Variants in ACO2 observed in about 807,000 individuals in gnomAD.
The protein encoded by ACO2 is aconitase 2.
In ACO2, 31 loss-of-function variants were observed where a neutral mutation model predicts 84.5. The ratio of observed to expected loss-of-function variants is 0.37; its 90% CI spans 0.28 to 0.50. The LOEUF is 0.50. ACO2 is among the 20% of genes least tolerant of loss of function. The pLI, the probability that ACO2 is intolerant of heterozygous loss-of-function variation, is 0.97. For synonymous variants in ACO2, 414 were observed against 412.7 expected (o/e 1.00, Z -0.04); for missense variants, 685 against 1,029.3 (o/e 0.67, Z 4.58).
rs1435721593 is a variant in ACO2, at chr22:41,508,140, C to T, written c.432+91C>T. On this transcript the variant is annotated intron_variant, in intron 3 of 17. Coordinates refer to ENST00000216254, the MANE Select transcript of ACO2 (RefSeq NM_001098.3). ...ACTGGAGCAAACCAGGGCATTGCCT[C>T]CAAATTCTCACACCTCTTTGGATTG... is the stretch of plus-strand genomic sequence containing the variant. 2.2e-5 allele frequency: 33 copies of T among 1,472,128 alleles called. No individual in the cohort carries two copies. In the South Asian group the frequency reaches 4.2e-4, roughly 19 times the overall value. 91.2% of individuals were successfully genotyped at this position (1,472,128 alleles called of 1,614,324 possible). A position where few individuals can be genotyped will look rare whatever the true frequency, so the allele number is the denominator to read the frequency against.
rs2146128580 is a variant in ACO2, at chr22:41,518,543, G to A, written c.1003G>A (p.Asp335Asn). 1 of 1,613,722 alleles carries A rather than the reference G, an allele frequency of 6.2e-7. No individual in the cohort carries two copies. Among genetic ancestry groups the A allele is most frequent in the Non-Finnish European group, 8.5e-7 (1 of 1,179,736 alleles). The change falls in exon 8 of 18, where the codon GAC (aspartate) becomes AAC (asparagine). Residue 335 changes from aspartate (D) to asparagine (N), a missense_variant. This residue lies in a region of ACO2 where 311 missense variants were observed against 441.6 expected (regional missense o/e 0.70). Transcript: ENST00000216254. ...GGTGCCTGACCCTGGCTGCCATTATGACCAACTAATTGAAATTAACCTCAG... is the reference window on the plus strand; with the variant it reads ...GGTGCCTGACCCTGGCTGCCATTATAACCAACTAATTGAAATTAACCTCAG... ...HLVPDPGCHY[D>N]QLIEINLSEL... is the part of the protein sequence containing the mutation.
intron 1 of ACO2, among the ~76,000 whole-genome samples, chr22:41,482,174 T>C (rs2038095645): frequency 1.3e-5 from 2 of 152,214 alleles, no homozygotes; most frequent in Admixed American, 6.5e-5. Flanking sequence ...GAGCCTCCCT[T>C]ACTCCCTGGA....
In ACO2 at chr22:41,475,169, CTTTTTTTTTT is replaced by C. The variant is rs1161178390; in HGVS notation, c.36+5999_36+6008del. Among the ~76,000 whole-genome samples, 1,158 of 120,232 alleles carry C rather than the reference CTTTTTTTTTT, an allele frequency of 9.6e-3. 6 individuals carry two copies. Among genetic ancestry groups the C allele is most frequent in the Non-Finnish European group, 0.015 (889 of 57,426 alleles). 78.9% of individuals were successfully genotyped at this position (120,232 alleles called of 152,430 possible). On this transcript the variant is annotated intron_variant, in intron 1 of 17. Coordinates refer to ENST00000216254, the MANE Select transcript of ACO2 (RefSeq NM_001098.3). ...ATAAAAAAAAAAAAATTGTTTTTTC[CTTTTTTTTTT>C]TTTTTTTTTTTGAGATAGGGCCTCA...
chr22:41,503,394 G>A (rs989753525), intron 2 of ACO2, among the ~76,000 whole-genome samples: 4 of 151,738 alleles, frequency 2.6e-5, no homozygotes, highest in African/African-American at 7.3e-5. Flanking sequence ...ACAGTGGAAC[G>A]ATCTCGGCTC....
intron 8 of ACO2, among the ~76,000 whole-genome samples, chr22:41,518,871 G>C (rs991340558): frequency 6.6e-6 from 1 of 152,094 alleles, no homozygotes; most frequent in South Asian, 2.1e-4. Context: ...GCTTGAACCC[G>C]GGACGCAGAG....
At position 41,525,466 on chromosome 22, in the gene ACO2, TGGAA is replaced by T. The variant is rs2066574627; in HGVS notation, c.1761+121_1761+124del. ...GCACAGTCAAGACGCAGGTGGGAGA[TGGAA>T]GGGAGGTTTGGCTGCAGAGCAGAGA... On this transcript the variant is annotated intron_variant, in intron 14 of 17. Coordinates refer to ENST00000216254, the MANE Select transcript of ACO2 (RefSeq NM_001098.3). The T allele has an allele frequency of 3.1e-6, 4 of 1,309,462 alleles. No homozygotes were observed. The East Asian group carries it at 7.2e-5, about 24-fold the overall frequency. The allele number at this position is 1,309,462 out of a possible 1,614,324, so 81.1% of individuals were successfully genotyped here.
At chr22:41,482,315 T>A (rs2038097491) in intron 1 of ACO2, among the ~76,000 whole-genome samples, 1 of 152,228 alleles carries the variant, frequency 6.6e-6, no homozygotes, top group Non-Finnish European at 1.5e-5. Flanking sequence ...TGGGAGACAC[T>A]GTCGGTAGCA....
At chr22:41,526,695 A>C (rs942234265) in intron 15 of ACO2, 6 of 472,042 alleles carry the variant, frequency 1.3e-5, no homozygotes, top group Non-Finnish European at 2.3e-5. Context: ...ATATCTTAGG[A>C]TATCTGGCCC....
intron 8 of ACO2, 58 bp downstream of exon 8, chr22:41,518,630 G>A: frequency 7.4e-7 from 1 of 1,352,662 alleles, no homozygotes; most frequent in Non-Finnish European, 1.1e-6. Flanking sequence ...GAGCAGGGCG[G>A]GTCCTGCCTA....
At chr22:41,498,399 C>T (rs2066330532) in intron 1 of ACO2, among the ~76,000 whole-genome samples, 2 of 152,138 alleles carry the variant, frequency 1.3e-5, no homozygotes, top group South Asian at 4.1e-4. Flanking sequence ...AACTTAAAGG[C>T]TTAAAACAAC....
chr22:41,469,722 C>G (rs1368002333), intron 1 of ACO2, among the ~76,000 whole-genome samples: 1 of 152,106 alleles, frequency 6.6e-6, no homozygotes, highest in Non-Finnish European at 1.5e-5. Context: ...TGGGCCCATA[C>G]GTAGTAAATA....
chr22:41,511,510 C>G (rs1273150990), intron 3 of ACO2, among the ~76,000 whole-genome samples: 2 of 152,246 alleles, frequency 1.3e-5, no homozygotes, highest in African/African-American at 4.8e-5. Context: ...CACTGCTGGC[C>G]TCATCTGGGG....
Position 41,528,598 on chromosome 22 carries a change from G to C in ACO2, c.2328G>C (p.Lys776Asn). The C allele has an allele frequency of 6.2e-7, 1 of 1,611,680 alleles. No homozygotes were observed. Among genetic ancestry groups the C allele is most frequent in the Middle Eastern group, 1.8e-4 (1 of 5,556 alleles). The change falls in exon 18 of 18, where the codon AAG becomes AAC. Residue 776 changes from lysine to asparagine, a missense_variant. Transcript: ENST00000216254. Reference sequence around the variant, plus strand: ...CTGGCAGTGCCCTCAACAGAATGAAGGAACTGCAACAGTGAGGGCAGTGCC... The same window carrying C: ...CTGGCAGTGCCCTCAACAGAATGAACGAACTGCAACAGTGAGGGCAGTGCC... ...FRAGSALNRM[K>N]ELQQ
intron 1 of ACO2, among the ~76,000 whole-genome samples, chr22:41,472,433 C>T (rs575415076): frequency 7.9e-5 from 12 of 152,140 alleles, no homozygotes; most frequent in Admixed American, 5.9e-4. Context: ...TGTCTGATTC[C>T]GAAGCCTGAG....
chr22:41,489,399 A>G (rs1047128833), intron 1 of ACO2, among the ~76,000 whole-genome samples: 3 of 152,062 alleles, frequency 2.0e-5, no homozygotes, highest in Non-Finnish European at 4.4e-5. Context: ...TTTCTTCCAA[A>G]ATGTCTTTGA....
At chr22:41,484,072 C>T (rs982365233) in intron 1 of ACO2, among the ~76,000 whole-genome samples, 1 of 152,020 alleles carries the variant, frequency 6.6e-6, no homozygotes, top group African/African-American at 2.4e-5. Context: ...AGTTTGTTGT[C>T]TTTGGGGCAG....
At chr22:41,512,243 G>C in intron 4 of ACO2, 2 of 385,676 alleles carry the variant, frequency 5.2e-6, no homozygotes, top group Non-Finnish European at 9.4e-6. Context: ...TTGTCTTCTG[G>C]GTGTGTACTC....
chr22:41,478,921 C>A (rs1023892375), intron 1 of ACO2, among the ~76,000 whole-genome samples: 24 of 152,088 alleles, frequency 1.6e-4, no homozygotes, highest in African/African-American at 5.3e-4. Context: ...GAGGCATGCG[C>A]CACCACACCT....
intron 1 of ACO2, among the ~76,000 whole-genome samples, chr22:41,475,388 G>A (rs934317990): frequency 6.6e-6 from 1 of 151,386 alleles, no homozygotes; most frequent in South Asian, 2.1e-4. Flanking sequence ...ACCCAAGCTG[G>A]TCTTGAACTC....
Sources: allele counts gnomAD v4.1 joint callset (sites outside exome capture counted in the v4.1 genomes callset), GRCh38; gene constraint gnomAD v4.1.1; regional missense constraint gnomAD v4.1.1; transcripts MANE v1.5; gene names NCBI Gene and HGNC (gene_info 2026-07-23, HGNC 2026-07-21).